Variants in LEP observed in about 807,000 individuals in gnomAD.
The protein encoded by LEP is leptin.
Under a neutral mutation model 9.8 loss-of-function variants are expected in LEP, and 6 were observed. The observed-to-expected ratio is 0.61, with a 90% CI of 0.34 to 1.21. The LOEUF (loss-of-function observed/expected upper bound fraction) is 1.21, where lower values mean the gene tolerates loss of function less well. Among genes scored for constraint, LEP ranks in the 50% most tolerant of loss-of-function variants. LEP has a pLI of 0.04. For synonymous variants in LEP, 112 were observed against 81.7 expected, an observed-to-expected ratio of 1.37 and a Z score of -2.00; for missense variants, 134 against 198.1, an observed-to-expected ratio of 0.68 and a Z score of 1.94.
chr7:128,248,153 G>A (rs578134035), intron 1 of LEP, among the ~76,000 whole-genome samples: 13 of 152,192 alleles, frequency 8.5e-5, no homozygotes, highest in African/African-American at 2.9e-4. Context: ...AAATGAGGCT[G>A]GGCGTGATGA....
In LEP at chr7:128,252,104, A is replaced by G. The variant is rs1304598562; in HGVS notation, c.86A>G (p.Asp29Gly). The change falls in exon 2 of 3, where the codon GAT (aspartate) becomes GGT (glycine). Residue 29 changes from aspartate to glycine, a missense_variant. Asp to Gly is a moderately conservative substitution (Grantham distance 94). Coordinates refer to ENST00000308868, the MANE Select transcript of LEP (RefSeq NM_000230.3). ...VQAVPIQKVQ[D>G]DTKTLIKTIV... ...GCTGTGCCCATCCAAAAAGTCCAAGATGACACCAAAACCCTCATCAAGACA... is the reference window on the plus strand; with the variant it reads ...GCTGTGCCCATCCAAAAAGTCCAAGGTGACACCAAAACCCTCATCAAGACA... The G allele has an allele frequency of 6.2e-7, 1 of 1,614,204 alleles. No homozygotes were observed. The highest frequency in any genetic ancestry group is 1.3e-5 in the African/African-American group (1 of 75,050).
chr7:128,252,203 C>A (rs1360311129), intron 2 of LEP, 41 bp downstream of exon 2: 1 of 1,606,596 alleles, frequency 6.2e-7, no homozygotes, highest in East Asian at 2.2e-5. Flanking sequence ...CTGCAGCCAG[C>A]CCAGCACTGG....
intron 1 of LEP, among the ~76,000 whole-genome samples, chr7:128,245,630 A>C (rs976003246): frequency 6.6e-6 from 1 of 152,180 alleles, no homozygotes; most frequent in Non-Finnish European, 1.5e-5. Context: ...TTCCCTCATA[A>C]TTAATAGCAA....
chr7:128,243,507 C>T (rs1043107761), intron 1 of LEP, among the ~76,000 whole-genome samples: 6 of 152,172 alleles, frequency 3.9e-5, no homozygotes, highest in Non-Finnish European at 5.9e-5. Flanking sequence ...TATCCAGGGA[C>T]GGCAGTCAAG....
At chr7:128,248,958 G>A (rs1219456404) in intron 1 of LEP, among the ~76,000 whole-genome samples, 1 of 152,210 alleles carries the variant, frequency 6.6e-6, no homozygotes, top group African/African-American at 2.4e-5. Context: ...TATTAGGCTT[G>A]TACAAAAGTA....
In LEP at chr7:128,254,724, G is replaced by C. The variant is rs1795316464; in HGVS notation, c.465G>C (p.Gln155His). Residue 155 changes from glutamine to histidine, a missense_variant, in exon 3 of 3, where the codon CAG becomes CAC. By Grantham distance (24) the Gln-to-His change is conservative (BLOSUM62 0). Transcript: ENST00000308868. ...TGAGCAGGCTGCAGGGGTCTCTGCA[G>C]GACATGCTGTGGCAGCTGGACCTCA... ...VALSRLQGSL[Q>H]DMLWQLDLSP... 6.2e-7 allele frequency: 1 copy of C among 1,612,974 alleles called. No homozygotes were observed. Among genetic ancestry groups the C allele is most frequent in the Non-Finnish European group, 8.5e-7 (1 of 1,179,990 alleles).
At chr7:128,243,814 GC>G (rs890178055) in intron 1 of LEP, among the ~76,000 whole-genome samples, 46 of 152,314 alleles carry the variant, frequency 3.0e-4, no homozygotes, top group African/African-American at 1.1e-3. Context: ...ATTTAACGAA[GC>G]CCTGCCGTGT....
intron 1 of LEP, among the ~76,000 whole-genome samples, chr7:128,246,068 CA>C (rs571287629): frequency 1.3e-4 from 19 of 142,574 alleles, no homozygotes; most frequent in Admixed American, 2.1e-4. Flanking sequence ...AAGACTCCGT[CA>C]AAAAAAAAAT....
rs199647957 is a variant in LEP at position 128,254,433 on chromosome 7, C to T, written c.174C>T (p.Thr58=). Reference sequence around the variant, plus strand: ...CAGTCTCCTCCAAACAGAAAGTCACCGGTTTGGACTTCATTCCTGGGCTCC... The same window carrying T: ...CAGTCTCCTCCAAACAGAAAGTCACTGGTTTGGACTTCATTCCTGGGCTCC... ...TQSVSSKQKV[T]GLDFIPGLHP... The change falls in exon 3 of 3, where the codon ACC becomes ACT. Residue 58 remains threonine (T), a synonymous_variant. Coordinates refer to ENST00000308868, the MANE Select transcript of LEP (RefSeq NM_000230.3). 53 of 1,613,668 alleles carry T rather than the reference C, an allele frequency of 3.3e-5. No individual in the cohort carries two copies. In the African/African-American group the frequency reaches 4.5e-4, roughly 14 times the overall value.
intron 1 of LEP, among the ~76,000 whole-genome samples, chr7:128,251,147 C>T (rs1233081348): frequency 1.3e-5 from 2 of 152,146 alleles, no homozygotes; most frequent in Non-Finnish European, 2.9e-5. Flanking sequence ...TTCCAGGGAG[C>T]CCCCTGTGCC....
intron 2 of LEP, 62 bp from the exon 3 acceptor site, chr7:128,254,342 G>A: frequency 1.0e-5 from 16 of 1,601,254 alleles, no homozygotes; most frequent in Middle Eastern, 1.7e-4. Flanking sequence ...GGAAGGCAGA[G>A]GGCTCTGAGA....
intron 1 of LEP, among the ~76,000 whole-genome samples, chr7:128,249,444 A>C (rs1391177731): frequency 6.6e-6 from 1 of 152,210 alleles, no homozygotes; most frequent in Non-Finnish European, 1.5e-5. Context: ...CAGGCATCAG[A>C]ATGGAGCAAG....
intron 2 of LEP, among the ~76,000 whole-genome samples, chr7:128,254,110 T>C (rs1330343513): frequency 1.3e-5 from 2 of 152,222 alleles, no homozygotes; most frequent in South Asian, 2.1e-4. Flanking sequence ...ATAAAACATA[T>C]GAAACCATGG....
intron 2 of LEP, 49 bp from the exon 3 acceptor site, chr7:128,254,355 G>A (rs780470938): frequency 6.8e-5 from 110 of 1,605,852 alleles, no homozygotes; most frequent in Non-Finnish European, 8.1e-5. Flanking sequence ...CTCTGAGAGC[G>A]ATTCCTCCCA....
chr7:128,253,167 C>T (rs916993252), intron 2 of LEP, among the ~76,000 whole-genome samples: 10 of 152,170 alleles, frequency 6.6e-5, no homozygotes, highest in African/African-American at 2.2e-4. Flanking sequence ...CCCCCAGAAG[C>T]ATCTCCTCAG....
At chr7:128,246,784 G>GGGGCTCCAC in intron 1 of LEP, among the ~76,000 whole-genome samples, 1 of 152,100 alleles carries the variant, frequency 6.6e-6, no homozygotes. Flanking sequence ...TGCAGCTCCA[G>GGGGCTCCAC]GGGCTCCACA....
chr7:128,246,406 T>C (rs897747632), intron 1 of LEP, among the ~76,000 whole-genome samples: 2 of 152,188 alleles, frequency 1.3e-5, no homozygotes, highest in Admixed American at 1.3e-4. Flanking sequence ...TGGCACATTA[T>C]ATAAGCCTCT....
intron 1 of LEP, among the ~76,000 whole-genome samples, chr7:128,251,465 A>T (rs1165163298): frequency 6.6e-6 from 1 of 152,236 alleles, no homozygotes; most frequent in Non-Finnish European, 1.5e-5. Flanking sequence ...ATGGGTGAGT[A>T]GCATAATCGC....
Position 128,254,801 on chromosome 7 carries a change from AGG to A in LEP, c.*40_*41del. 1 of 1,598,724 alleles carries A rather than the reference AGG, an allele frequency of 6.3e-7. No homozygotes were observed. Among genetic ancestry groups the A allele is most frequent in the South Asian group, 1.1e-5 (1 of 90,846 alleles). ...CACTCTTCCTGCAAGGACTACGTTA[AGG>A]GAAGGAACTCTGGCTTCCAGGTATC... On this transcript the variant is annotated 3_prime_UTR_variant, in exon 3 of 3. Transcript: ENST00000308868.
Sources: gnomAD v4.1 joint callset for allele counts (sites outside exome capture counted in the v4.1 genomes callset) on GRCh38, gnomAD v4.1.1 for gene constraint, MANE v1.5 for transcripts, NCBI Gene and HGNC (gene_info 2026-07-23, HGNC 2026-07-21) for gene names.